Variants in ERGIC2 observed in about 807,000 individuals in gnomAD.
ERGIC2 encodes the protein ERGIC and golgi 2.
In ERGIC2, 31 loss-of-function variants were observed where a neutral mutation model predicts 52.5. The observed-to-expected ratio is 0.59, with a 90% confidence interval of 0.44 to 0.80. The LOEUF is 0.80. Among genes scored for constraint, ERGIC2 ranks in the 30% least tolerant of loss-of-function variants. The probability of loss-of-function intolerance (pLI) is 0.00; values close to 1 mark genes in which losing one functional copy is unlikely to be tolerated. For missense variants in ERGIC2, 395 were observed against 455.2 expected (o/e 0.87, Z 1.20); for synonymous variants, 129 against 140.6 (o/e 0.92, Z 0.58).
chr12:29,371,957 T>A (rs961128720), intron 1 of ERGIC2, among the ~76,000 whole-genome samples: 1 of 152,206 alleles, frequency 6.6e-6, no homozygotes, highest in Admixed American at 6.6e-5. Flanking sequence ...ATTAAGATAA[T>A]GTTTTCTATT....
chr12:29,369,891 G>A (rs1940416818), intron 3 of ERGIC2, among the ~76,000 whole-genome samples: 1 of 151,762 alleles, frequency 6.6e-6, no homozygotes, highest in African/African-American at 2.4e-5. Flanking sequence ...TTGAAACAAA[G>A]CATGCTAAAT....
intron 3 of ERGIC2, among the ~76,000 whole-genome samples, chr12:29,368,729 A>G (rs530271601): frequency 1.3e-5 from 2 of 152,016 alleles, no homozygotes; most frequent in South Asian, 2.1e-4. Context: ...TATCTCCTTT[A>G]TTCTATATCA....
rs375534310 is a variant in ERGIC2 at position 29,341,738 on chromosome 12, T to G, written c.1067A>C (p.Asn356Thr). Residue 356 changes from asparagine to threonine, a missense_variant, in exon 13 of 14, where the codon AAT becomes ACT. Asn to Thr is a moderately conservative substitution (Grantham distance 65). Transcript: ENST00000360150. Reference protein sequence around the residue: ...RFRLGSYKPVNSVPFEDGHTD... With the variant: ...RFRLGSYKPVTSVPFEDGHTD... ...CATGTATACTACACCACTTACAGAA[T>G]TGACAGGTTTATAGGATCCAAGTCT... 6.4e-7 allele frequency: 1 copy of G among 1,559,670 alleles called. No individual in the cohort carries two copies. The highest frequency in any genetic ancestry group is 8.8e-7 in the Non-Finnish European group (1 of 1,131,346).
At chr12:29,352,499 C>A (rs1012536015) in intron 8 of ERGIC2, among the ~76,000 whole-genome samples, 1 of 152,006 alleles carries the variant, frequency 6.6e-6, no homozygotes, top group Non-Finnish European at 1.5e-5. Context: ...CCTGTCTCTA[C>A]TAAAAATACA....
chr12:29,373,518 C>T (rs925129530), intron 1 of ERGIC2, among the ~76,000 whole-genome samples: 3 of 152,026 alleles, frequency 2.0e-5, no homozygotes, highest in Non-Finnish European at 4.4e-5. Context: ...AAAGAAGATT[C>T]ATAAAGAAAA....
chr12:29,378,929 A>C (rs1247519927), intron 1 of ERGIC2, among the ~76,000 whole-genome samples: 2 of 152,160 alleles, frequency 1.3e-5, no homozygotes, highest in African/African-American at 4.8e-5. Flanking sequence ...GAGGCATGTA[A>C]TATCTATTTC....
At position 29,340,979 on chromosome 12, in the gene ERGIC2, C is replaced by T; in HGVS notation, c.*177G>A. The T allele has an allele frequency of 1.6e-6, 1 of 608,820 alleles. No individual in the cohort carries two copies. The highest frequency in any genetic ancestry group is 1.9e-5 in the South Asian group (1 of 52,502). 37.7% of individuals were successfully genotyped at this position (608,820 alleles called of 1,614,324 possible). A position where few individuals can be genotyped will look rare whatever the true frequency, so the allele number is the denominator to read the frequency against. ...TTTCTTCTACGACATTTGTAACAGA[C>T]ACAACGTATATAGAATTTCAGTTTG... On this transcript the variant is annotated 3_prime_UTR_variant, in exon 14 of 14. Transcript: ENST00000360150.
intron 8 of ERGIC2, among the ~76,000 whole-genome samples, chr12:29,356,156 G>A (rs561688905): frequency 6.6e-6 from 1 of 151,928 alleles, no homozygotes; most frequent in Non-Finnish European, 1.5e-5. Context: ...CGAGTATCTG[G>A]GATTACAGGT....
At chr12:29,349,498 A>G (rs909523009) in intron 9 of ERGIC2, among the ~76,000 whole-genome samples, 27 of 152,030 alleles carry the variant, frequency 1.8e-4, no homozygotes, top group African/African-American at 6.0e-4. Flanking sequence ...TATAGTTAAC[A>G]GGACGGTATT....
At chr12:29,370,352 T>C (rs1940424367) in intron 2 of ERGIC2, 130 bp from the exon 3 acceptor site, 1 of 1,031,780 alleles carries the variant, frequency 9.7e-7, no homozygotes, top group Non-Finnish European at 1.3e-6. Context: ...TTTGAATGCA[T>C]ACTATAGAAG....
At chr12:29,356,290 T>TGG (rs1308920503) in intron 8 of ERGIC2, 92 bp downstream of exon 8, 2 of 739,004 alleles carry the variant, frequency 2.7e-6, no homozygotes, top group African/African-American at 3.6e-5. Flanking sequence ...CCCAAAGTGC[T>TGG]GGGATTACAG....
chr12:29,364,948 A>T (rs1261951446), intron 5 of ERGIC2, among the ~76,000 whole-genome samples: 2 of 147,254 alleles, frequency 1.4e-5, no homozygotes, highest in South Asian at 4.3e-4. Context: ...AAAGTCAAAA[A>T]GAAAAAAAAA....
In ERGIC2 at chr12:29,357,577, A is replaced by T. The variant is rs752813695; in HGVS notation, c.476+46T>A. 27 of 1,001,964 alleles carry T rather than the reference A, an allele frequency of 2.7e-5. No individual in the cohort carries two copies. In the South Asian group the frequency reaches 3.5e-4, roughly 13 times the overall value. The allele number at this position is 1,001,964 out of a possible 1,614,324, so 62.1% of individuals were successfully genotyped here. A position where few individuals can be genotyped will look rare whatever the true frequency, so the allele number is the denominator to read the frequency against. On this transcript the variant is annotated intron_variant, in intron 7 of 13. Transcript: ENST00000360150. ...AACACTTTAGTTTTAACTATGTCAAAGTAAATTCATAATAAACAGTTGCAC... is the reference window on the plus strand; with the variant it reads ...AACACTTTAGTTTTAACTATGTCAATGTAAATTCATAATAAACAGTTGCAC...
intron 11 of ERGIC2, among the ~76,000 whole-genome samples, chr12:29,344,614 T>G (rs1940016460): frequency 6.6e-6 from 1 of 151,878 alleles, no homozygotes; most frequent in Non-Finnish European, 1.5e-5. Context: ...AGTGAAAAGC[T>G]ATAGACACAT....
chr12:29,362,301 C>T (rs899856396), intron 5 of ERGIC2, among the ~76,000 whole-genome samples: 4 of 152,130 alleles, frequency 2.6e-5, no homozygotes, highest in African/African-American at 9.7e-5. Flanking sequence ...TTCGGCCGGG[C>T]ATGGTGGCTC....
intron 8 of ERGIC2, among the ~76,000 whole-genome samples, chr12:29,351,274 T>C (rs1199115037): frequency 2.0e-5 from 3 of 152,160 alleles, no homozygotes; most frequent in Non-Finnish European, 2.9e-5. Flanking sequence ...CATTAAACAC[T>C]ACATTTTCAC....
chr12:29,376,701 C>T (rs1158817412), intron 1 of ERGIC2, among the ~76,000 whole-genome samples: 1 of 152,218 alleles, frequency 6.6e-6, no homozygotes, highest in African/African-American at 2.4e-5. Flanking sequence ...CTACCAGATA[C>T]CCAATTTCAT....
chr12:29,360,375 A>G (rs927432710), intron 6 of ERGIC2, among the ~76,000 whole-genome samples: 1 of 151,344 alleles, frequency 6.6e-6, no homozygotes, highest in Non-Finnish European at 1.5e-5. Flanking sequence ...CATAAAATAG[A>G]CCATTATATA....
intron 6 of ERGIC2, among the ~76,000 whole-genome samples, chr12:29,359,290 C>A (rs2136866333): frequency 6.6e-6 from 1 of 151,966 alleles, no homozygotes; most frequent in East Asian, 1.9e-4. Context: ...TGGAAATCTT[C>A]ACTTTTTTTG....
Sources: gnomAD v4.1 joint callset for allele counts (sites outside exome capture counted in the v4.1 genomes callset) on GRCh38, gnomAD v4.1.1 for gene constraint, MANE v1.5 for transcripts, NCBI Gene and HGNC (gene_info 2026-07-23, HGNC 2026-07-21) for gene names.